The following ZNF607 variants were observed in gnomAD, a reference collection of about 807,000 sequenced individuals.
ZNF607 encodes zinc finger protein 607.
A neutral mutation model predicts 12.8 loss-of-function variants in ZNF607; 5 were observed. The ratio of observed to expected loss-of-function variants is 0.39; its 90% CI spans 0.20 to 0.82. ZNF607 has a LOEUF of 0.82. ZNF607 is among the 40% of genes least tolerant of loss of function. The pLI is 0.39. For missense variants in ZNF607, 851 were observed against 859.2 expected (o/e 0.99, Z 0.12); for synonymous variants, 287 against 276.2 (o/e 1.04, Z -0.39).
intron 1 of ZNF607, among the ~76,000 whole-genome samples, chr19:37,714,790 A>G (rs939141789): frequency 2.0e-5 from 3 of 152,204 alleles, no homozygotes; most frequent in African/African-American, 7.2e-5. Flanking sequence ...AGAAACACGA[A>G]AAAAGTAAAA....
rs2287229 is a variant in ZNF607 at position 37,697,751 on chromosome 19, G to A, written c.*289C>T. The A allele has an allele frequency of 0.75, 244,727 of 324,256 alleles. 94,710 individuals carry two copies. The highest frequency in any genetic ancestry group is 0.82 in the Non-Finnish European group (145,893 of 177,776). The allele number at this position is 324,256 out of a possible 1,614,324, so 20.1% of individuals were successfully genotyped here. On this transcript the variant is annotated 3_prime_UTR_variant, in exon 5 of 5. Coordinates refer to ENST00000355202, the MANE Select transcript of ZNF607 (RefSeq NM_032689.5). ...TACGTTTTCTCAGTTTTCCTCTACT[G>A]TGAATATTTTGGCAATCCAAAACTA...
intron 1 of ZNF607, chr19:37,719,014 C>A (rs577169644): frequency 6.6e-6 from 1 of 152,234 alleles, no homozygotes; most frequent in African/African-American, 2.4e-5. Flanking sequence ...ATCTATCATA[C>A]CTTTCTTAAG....
In ZNF607 at chr19:37,699,907, A is replaced by G; in HGVS notation, c.236-12T>C. The G allele has an allele frequency of 1.9e-6, 3 of 1,547,794 alleles. No homozygotes were observed. Among genetic ancestry groups the G allele is most frequent in the Non-Finnish European group, 2.6e-6 (3 of 1,152,086 alleles). The stretch of plus-strand genomic sequence containing the variant: ...TCTTGAATCCAAATCTAGAAGACAT[A>G]AAATAAAAACATTTTATTGGATGAG... On this transcript the variant is annotated splice_polypyrimidine_tract_variant and intron_variant, in intron 4 of 4. Transcript: ENST00000355202.
chr19:37,698,325 T>G lies in ZNF607; in HGVS notation c.1806A>C (p.Ser602=). 6.2e-7 allele frequency: 1 copy of G among 1,614,098 alleles called. No individual in the cohort carries two copies. Among genetic ancestry groups the G allele is most frequent in the Non-Finnish European group, 8.5e-7 (1 of 1,180,018 alleles). ...KECGETFSHA[S]HLIIHERIHT... is the part of the protein sequence containing the mutation. ...GAATTCTCTCATGAATAATAAGATGTGAAGCATGACTAAAAGTTTCCCCAC... is the reference window on the plus strand; with the variant it reads ...GAATTCTCTCATGAATAATAAGATGGGAAGCATGACTAAAAGTTTCCCCAC... Residue 602 remains serine, a synonymous_variant, in exon 5 of 5, where the codon TCA becomes TCC. Coordinates refer to ENST00000355202, the MANE Select transcript of ZNF607 (RefSeq NM_032689.5).
chr19:37,715,558 T>C (rs2045169656), intron 1 of ZNF607, among the ~76,000 whole-genome samples: 1 of 149,952 alleles, frequency 6.7e-6, no homozygotes, highest in East Asian at 2.0e-4. Context: ...TGAGCTGAGA[T>C]CATGCCATTG....
At chr19:37,707,720 G>A (rs2045097500) in intron 4 of ZNF607, among the ~76,000 whole-genome samples, 194 bp downstream of exon 4, 1 of 152,128 alleles carries the variant, frequency 6.6e-6, no homozygotes, top group South Asian at 2.1e-4. Context: ...GATTACAAGC[G>A]TGAGCCACAG....
At chr19:37,717,138 A>G (rs1169266343) in intron 1 of ZNF607, among the ~76,000 whole-genome samples, 1 of 152,260 alleles carries the variant, frequency 6.6e-6, no homozygotes, top group Non-Finnish European at 1.5e-5. Flanking sequence ...CATTTTGGAT[A>G]CAATCCTTGC....
In ZNF607 at chr19:37,698,167, T is replaced by A. The variant is rs2044993944; in HGVS notation, c.1964A>T (p.Asn655Ile). The change falls in exon 5 of 5, where the codon AAT becomes ATT. Residue 655 changes from asparagine (N) to isoleucine (I), a missense_variant. Transcript: ENST00000355202. ...ATGTATACTAAGTTCATGGCTACTA[T>A]TAAAAGCTTTCCCACACTCTTCACA... Reference protein sequence around the residue: ...YMCEECGKAFNSSHELSIHHR... With the variant: ...YMCEECGKAFISSHELSIHHR... 6.2e-7 allele frequency: 1 copy of A among 1,614,036 alleles called. No individual in the cohort carries two copies. Among genetic ancestry groups the A allele is most frequent in the African/African-American group, 1.3e-5 (1 of 74,992 alleles).
At chr19:37,710,676 C>T (rs1357180685) in intron 2 of ZNF607, among the ~76,000 whole-genome samples, 1 of 152,040 alleles carries the variant, frequency 6.6e-6, no homozygotes, top group African/African-American at 2.4e-5. Flanking sequence ...GGTATCTGAC[C>T]TTTTTGAAAA....
At chr19:37,701,446 G>A (rs1056651956) in intron 4 of ZNF607, among the ~76,000 whole-genome samples, 1 of 151,968 alleles carries the variant, frequency 6.6e-6, no homozygotes, top group Admixed American at 6.6e-5. Context: ...CCTGACTCCC[G>A]CCAAAGCGCT....
intron 1 of ZNF607, among the ~76,000 whole-genome samples, chr19:37,718,434 T>C (rs562292581): frequency 3.3e-5 from 5 of 152,316 alleles, no homozygotes; most frequent in Non-Finnish European, 7.4e-5. Context: ...GGATGGAACC[T>C]GCAATCATCC....
intron 2 of ZNF607, 115 bp from the exon 3 acceptor site, chr19:37,709,937 A>G (rs1280294093): frequency 3.1e-5 from 37 of 1,202,780 alleles, no homozygotes; most frequent in Non-Finnish European, 4.3e-5. Flanking sequence ...CGGGCAGATC[A>G]TGAGGTCAAG....
Position 37,699,380 on chromosome 19 carries a change from TCTCAC to T in ZNF607, c.746_750del (p.Gly249GlufsTer4), listed in dbSNP as rs2045016878. The T allele has an allele frequency of 6.2e-7, 1 of 1,614,050 alleles. No individual in the cohort carries two copies. The highest frequency in any genetic ancestry group is 1.7e-5 in the Admixed American group (1 of 59,998). On this transcript the variant is annotated frameshift_variant, in exon 5 of 5. Transcript: ENST00000355202. LOFTEE classifies it low-confidence loss of function (END_TRUNC). ...CCACATTTGTTACATTCAAAGGGCT[TCTCAC>T]CAGTGTGAATACTCTGATGTCGACT... is the stretch of plus-strand genomic sequence containing the variant.
chr19:37,715,005 C>T (rs1285659206), intron 1 of ZNF607, among the ~76,000 whole-genome samples: 1 of 151,988 alleles, frequency 6.6e-6, no homozygotes, highest in African/African-American at 2.4e-5. Context: ...CTCCCAGGTT[C>T]AAGCTATTCT....
rs1398469698 is a variant in ZNF607 at position 37,696,765 on chromosome 19, G to A, written c.*1275C>T. 24 of 1,320,320 alleles carry A rather than the reference G, an allele frequency of 1.8e-5. No homozygotes were observed. The highest frequency in any genetic ancestry group is 1.2e-4 in the East Asian group (5 of 43,118). The allele number at this position is 1,320,320 out of a possible 1,614,324, so 81.8% of individuals were successfully genotyped here. A position where few individuals can be genotyped will look rare whatever the true frequency, so the allele number is the denominator to read the frequency against. On this transcript the variant is annotated 3_prime_UTR_variant, in exon 5 of 5. Transcript: ENST00000355202. ...CCCCTGCAGTGGCCAGTGAGTTGGCGATCAGCTCAGCTGCCTTGGAGTCAC... is the reference window on the plus strand; with the variant it reads ...CCCCTGCAGTGGCCAGTGAGTTGGCAATCAGCTCAGCTGCCTTGGAGTCAC...
At position 37,699,278 on chromosome 19, in the gene ZNF607, C is replaced by G; in HGVS notation, c.853G>C (p.Glu285Gln). The G allele has an allele frequency of 1.2e-6, 2 of 1,614,018 alleles. No individual in the cohort carries two copies. Among genetic ancestry groups the G allele is most frequent in the Non-Finnish European group, 1.7e-6 (2 of 1,180,000 alleles). The change falls in exon 5 of 5, where the codon GAA becomes CAA. Residue 285 changes from glutamate to glutamine, a missense_variant. Transcript: ENST00000355202. The part of the protein sequence containing the change: ...HTGEKPHECK[E>Q]CGKAFRQFSH... Reference sequence around the variant, plus strand: ...AACTGACGAAAGGCCTTTCCACATTCCTTACATTCATGTGGCTTCTCTCCA... The same window carrying G: ...AACTGACGAAAGGCCTTTCCACATTGCTTACATTCATGTGGCTTCTCTCCA...
Position 37,697,178 on chromosome 19 carries a change from A to G in ZNF607, c.*862T>C, listed in dbSNP as rs1207901158. ...CTTTGCTACCAGTGATGACTGGCGCACTACGTGGTTGAGAACAGCAGTCAA... is the reference window on the plus strand; with the variant it reads ...CTTTGCTACCAGTGATGACTGGCGCGCTACGTGGTTGAGAACAGCAGTCAA... On this transcript the variant is annotated 3_prime_UTR_variant, in exon 5 of 5. Transcript: ENST00000355202. 58 of 737,740 alleles carry G rather than the reference A, an allele frequency of 7.9e-5. No homozygotes were observed. In the East Asian group the frequency reaches 1.4e-3, roughly 18 times the overall value. 45.7% of individuals were successfully genotyped at this position (737,740 alleles called of 1,614,324 possible).
At chr19:37,703,595 TA>T (rs2045057652) in intron 4 of ZNF607, among the ~76,000 whole-genome samples, 2 of 151,904 alleles carry the variant, frequency 1.3e-5, no homozygotes, top group South Asian at 4.1e-4. Context: ...CACAAAATAT[TA>T]AAAGTAAAAA....
chr19:37,701,666 A>T (rs999825815), intron 4 of ZNF607, among the ~76,000 whole-genome samples: 16 of 152,128 alleles, frequency 1.1e-4, no homozygotes, highest in Admixed American at 3.9e-4. Flanking sequence ...CTGAAAATTT[A>T]AAAAAAAGAA....
Sources: gnomAD v4.1 joint callset for allele counts (sites outside exome capture counted in the v4.1 genomes callset) on GRCh38, gnomAD v4.1.1 for gene constraint, MANE v1.5 for transcripts, NCBI Gene and HGNC (gene_info 2026-07-23, HGNC 2026-07-21) for gene names.